Variants in ABCB5 observed in about 807,000 individuals in gnomAD.
ABCB5 encodes ATP-binding cassette sub-family B member 5.
ABCB5 carries 155 observed loss-of-function variants against 144.2 expected under a neutral mutation model. The ratio of observed to expected loss-of-function variants is 1.08; its 90% confidence interval spans 0.94 to 1.23. The LOEUF is 1.23. Ranked by LOEUF, ABCB5 falls within the 50% of genes most tolerant of loss-of-function variation. ABCB5 has a pLI of 0.00. For missense variants in ABCB5, 1,830 were observed against 1,520.8 expected (o/e 1.20, Z -3.38); for synonymous variants, 610 against 528.6 (o/e 1.15, Z -2.11).
At chr7:20,644,787 T>G (rs7786228) in intron 7 of ABCB5, among the ~76,000 whole-genome samples, 15,608 of 152,238 alleles carry the variant, frequency 0.1, 2,488 homozygotes, top group African/African-American at 0.33. Context: ...AACAAGAATT[T>G]TCAGCAATAA....
intron 22 of ABCB5, among the ~76,000 whole-genome samples, chr7:20,727,482 C>T (rs1782072686): frequency 6.6e-6 from 1 of 152,156 alleles, no homozygotes; most frequent in Non-Finnish European, 1.5e-5. Context: ...CACCTGTAAT[C>T]CCAGCACTTT....
chr7:20,659,243 T>C (rs1784916748), intron 14 of ABCB5: 6 of 1,541,234 alleles, frequency 3.9e-6, no homozygotes, highest in Non-Finnish European at 5.2e-6. Context: ...CAAATTACAC[T>C]GAATCTAGGA....
rs1583424978 is a variant in ABCB5, at chr7:20,685,772, A to C, written c.1946A>C (p.His649Pro). Residue 649 changes from histidine to proline, a missense_variant, in exon 16 of 28, where the codon CAC (histidine) becomes CCC (proline). Coordinates refer to ENST00000404938, the MANE Select transcript of ABCB5 (RefSeq NM_001163941.2). ...TERKTNSLPL[H>P]SVKSIKSDFI... Reference sequence around the variant, plus strand: ...AGAAAGACCAACTCACTTCCTCTGCACTCTGTGAAGAGCATCAAGTCAGAC... The same window carrying C: ...AGAAAGACCAACTCACTTCCTCTGCCCTCTGTGAAGAGCATCAAGTCAGAC... The C allele has an allele frequency of 1.9e-5, 30 of 1,613,832 alleles. No individual in the cohort carries two copies. The highest frequency in any genetic ancestry group is 2.5e-5 in the Non-Finnish European group (29 of 1,179,820).
At chr7:20,736,888 AAAG>A (rs1219083323) in intron 23 of ABCB5, among the ~76,000 whole-genome samples, 2 of 152,158 alleles carry the variant, frequency 1.3e-5, no homozygotes, top group Non-Finnish European at 2.9e-5. Context: ...GAAAAAGCGT[AAAG>A]AAGATTACTG....
At chr7:20,691,006 G>T (rs1786202813) in intron 16 of ABCB5, among the ~76,000 whole-genome samples, 1 of 152,072 alleles carries the variant, frequency 6.6e-6, no homozygotes, top group Non-Finnish European at 1.5e-5. Context: ...AACAAAATAT[G>T]TGAAATAATG....
At chr7:20,684,327 C>G (rs1785921585) in intron 15 of ABCB5, among the ~76,000 whole-genome samples, 1 of 152,042 alleles carries the variant, frequency 6.6e-6, no homozygotes, top group Non-Finnish European at 1.5e-5. Context: ...ATTATTTTGT[C>G]CAGCGACCTT....
At chr7:20,734,573 G>A (rs1782324339) in intron 23 of ABCB5, among the ~76,000 whole-genome samples, 1 of 151,466 alleles carries the variant, frequency 6.6e-6, no homozygotes, top group Non-Finnish European at 1.5e-5. Flanking sequence ...TACACAAAGG[G>A]AGTTTTAACA....
chr7:20,644,716 A>G (rs959511736), intron 7 of ABCB5, among the ~76,000 whole-genome samples: 3 of 152,214 alleles, frequency 2.0e-5, no homozygotes, highest in Non-Finnish European at 4.4e-5. Context: ...ATCATTCTTT[A>G]TGGAAATCCA....
chr7:20,717,076 G>C (rs1214044318), intron 20 of ABCB5, among the ~76,000 whole-genome samples: 2 of 152,078 alleles, frequency 1.3e-5, no homozygotes, highest in African/African-American at 2.4e-5. Context: ...CCCGCACCAG[G>C]AGCATTTAGT....
At chr7:20,717,995 G>A (rs960095297) in intron 20 of ABCB5, among the ~76,000 whole-genome samples, 8 of 125,616 alleles carry the variant, frequency 6.4e-5, no homozygotes, top group African/African-American at 2.1e-4. Flanking sequence ...TCCACCTCCC[G>A]AGTTAACGCC....
chr7:20,717,496 G>C (rs926454958), intron 20 of ABCB5, among the ~76,000 whole-genome samples: 1 of 146,400 alleles, frequency 6.8e-6, no homozygotes. Flanking sequence ...AGGCTGGACT[G>C]CAGTGGCGTT....
chr7:20,670,373 TAAAAAAAGA>T (rs1206435868), intron 14 of ABCB5, among the ~76,000 whole-genome samples: 1 of 118,318 alleles, frequency 8.5e-6, no homozygotes, highest in African/African-American at 3.7e-5. Context: ...AAAGCTATTC[TAAAAAAAGA>T]AAAAGAAAAA....
chr7:20,754,455 A>T (rs1583472596), intron 27 of ABCB5, among the ~76,000 whole-genome samples: 1 of 152,260 alleles, frequency 6.6e-6, no homozygotes, highest in South Asian at 2.1e-4. Context: ...TCAGAAAAAT[A>T]AAAATACTGT....
Position 20,714,026 on chromosome 7 carries a change from CA to C in ABCB5, c.2422-8989del, listed in dbSNP as rs1781586611. Among the ~76,000 whole-genome samples the C allele has an allele frequency of 2.6e-5, 4 of 152,302 alleles. No homozygotes were observed. In the South Asian group the frequency reaches 8.3e-4, roughly 32 times the overall value. On this transcript the variant is annotated intron_variant, in intron 20 of 27. Transcript: ENST00000404938. ...TCTTAAGGTAGTAAGCCACAGCAAC[CA>C]CAGGGGTCACCTTGTTTGTTTGCCA...
At chr7:20,741,238 A>G (rs1782552374) in intron 24 of ABCB5, among the ~76,000 whole-genome samples, 1 of 152,092 alleles carries the variant, frequency 6.6e-6, no homozygotes, top group Non-Finnish European at 1.5e-5. Flanking sequence ...TTCATATTAA[A>G]TAGAATTAAA....
chr7:20,652,373 G>C (rs1415761585), intron 13 of ABCB5, among the ~76,000 whole-genome samples: 1 of 152,202 alleles, frequency 6.6e-6, no homozygotes, highest in Non-Finnish European at 1.5e-5. Flanking sequence ...TTTGAGACCA[G>C]CTTCGCCAAC....
rs142699781 is a variant in ABCB5, at chr7:20,644,184, C to G, written c.678+552C>G. Among the ~76,000 whole-genome samples the G allele has an allele frequency of 4.0e-3, 609 of 152,044 alleles. 4 individuals are homozygous for G. The highest frequency in any genetic ancestry group is 6.4e-3 in the Non-Finnish European group (438 of 67,996). On this transcript the variant is annotated intron_variant, in intron 7 of 27. Transcript: ENST00000404938. ...CACTGCAGCCTCAACTTCCCAGGCT[C>G]AAGTCATCCTCCCATCTCAGATCCC...
chr7:20,728,420 TCA>T lies in ABCB5; in HGVS notation c.2833_2834del (p.Gln945SerfsTer32). 6.2e-7 allele frequency: 1 copy of T among 1,614,178 alleles called. No individual in the cohort carries two copies. Among genetic ancestry groups the T allele is most frequent in the South Asian group, 1.1e-5 (1 of 91,090 alleles). On this transcript the variant is annotated frameshift_variant, in exon 23 of 28. Transcript: ENST00000404938. LOFTEE classifies it high-confidence loss of function. ...GGTTTCGATTTGGAGCCTATTTAAT[TCA>T]AGCTGGACGAATGACCCCAGAGGGC... ...AGFRFGAYLIQAGRMTPEGMF... is the reference protein window; with the variant it reads ...AGFRFGAYLIXAGRMTPEGMF...
At chr7:20,670,201 G>A (rs988776827) in intron 14 of ABCB5, among the ~76,000 whole-genome samples, 71 of 152,266 alleles carry the variant, frequency 4.7e-4, no homozygotes, top group African/African-American at 1.6e-3. Flanking sequence ...AAAAGAACGT[G>A]AGTTGAAAAT....
Sources: gnomAD v4.1 joint callset for allele counts (sites outside exome capture counted in the v4.1 genomes callset) on GRCh38, gnomAD v4.1.1 for gene constraint, MANE v1.5 for transcripts, NCBI Gene and HGNC (gene_info 2026-07-23, HGNC 2026-07-21) for gene names.